Variants in GRIA3 observed in about 807,000 individuals in gnomAD.
GRIA3 encodes the protein glutamate ionotropic receptor AMPA type subunit 3, also known as glutamate receptor 3.
In GRIA3, 3 loss-of-function variants were observed where a neutral mutation model predicts 63.0. The observed-to-expected ratio is 0.05, with a 90% CI of 0.02 to 0.12. GRIA3 has a LOEUF of 0.12. Ranked by LOEUF, GRIA3 falls within the 10% of genes least tolerant of loss-of-function variation. The pLI is 1.00. For missense variants in GRIA3, 347 were observed against 700.9 expected (o/e 0.50, Z 5.70); for synonymous variants, 274 against 257.9 (o/e 1.06, Z -0.60).
At chrX:123,430,868 A>G (rs1242606430) in intron 12 of GRIA3, among the ~76,000 whole-genome samples, 1 of 110,863 alleles carries the variant, frequency 9.0e-6, no homozygotes, top group African/African-American at 3.3e-5. Flanking sequence ...CTGTAATTCC[A>G]GCTACTCGGG....
chrX:123,425,703 T>A (rs747616929), intron 11 of GRIA3, among the ~76,000 whole-genome samples: 3 of 111,664 alleles, frequency 2.7e-5, no homozygotes, highest in Non-Finnish European at 5.6e-5. Context: ...GATGAAATCC[T>A]GAGATAGTGT....
intron 11 of GRIA3, among the ~76,000 whole-genome samples, chrX:123,427,637 G>A (rs1294415572): frequency 9.0e-6 from 1 of 111,567 alleles, no homozygotes; most frequent in Non-Finnish European, 1.9e-5. Context: ...GAGCCCAGGA[G>A]TTCAAGTCCA....
At chrX:123,375,470 AG>A (rs2045279059) in intron 5 of GRIA3, among the ~76,000 whole-genome samples, 1 of 112,049 alleles carries the variant, frequency 8.9e-6, no homozygotes, top group African/African-American at 3.2e-5. Context: ...TTGTAAGTCT[AG>A]GGATAATTTA....
intron 13 of GRIA3, among the ~76,000 whole-genome samples, chrX:123,475,825 T>C (rs775991426): frequency 3.4e-4 from 38 of 111,549 alleles, no homozygotes; most frequent in African/African-American, 1.2e-3. Context: ...TATCTAAGCT[T>C]GAAGAGCAAA....
At chrX:123,453,618 AACAC>A (rs780732296) in intron 12 of GRIA3, among the ~76,000 whole-genome samples, 20 of 103,351 alleles carry the variant, frequency 1.9e-4, no homozygotes, top group East Asian at 6.0e-4. Context: ...TCAGGTTTTC[AACAC>A]ACACACACAC....
chrX:123,279,845 G>A lies in GRIA3; in HGVS notation c.508+26303G>A, dbSNP rs190359200. Among the ~76,000 whole-genome samples the A allele has an allele frequency of 2.7e-3, 302 of 111,363 alleles. 2 individuals carry two copies. Among genetic ancestry groups the A allele is most frequent in the African/African-American group, 8.4e-3 (257 of 30,646 alleles). On this transcript the variant is annotated intron_variant, in intron 3 of 15. Coordinates refer to ENST00000620443, the MANE Select transcript of GRIA3 (RefSeq NM_007325.5). ...ACCTGGAGTTCTACCTATGGCTCAGGAACTCTTTAAGGTCTTGAAGTACCT... is the reference window on the plus strand; with the variant it reads ...ACCTGGAGTTCTACCTATGGCTCAGAAACTCTTTAAGGTCTTGAAGTACCT...
intron 4 of GRIA3, among the ~76,000 whole-genome samples, chrX:123,348,156 T>C (rs113424469): frequency 1.1e-3 from 119 of 112,283 alleles, no homozygotes; most frequent in African/African-American, 3.5e-3. Context: ...CATGATTATA[T>C]TGCTTTGGGC....
chrX:123,205,648 G>C (rs1322383155), intron 2 of GRIA3, among the ~76,000 whole-genome samples: 1 of 111,678 alleles, frequency 9.0e-6, no homozygotes, highest in Admixed American at 9.5e-5. Context: ...TTCAGGTAGG[G>C]GCAAATAGAC....
rs1927183721 is a variant in GRIA3 at position 123,184,362 on chromosome X, G to C, written c.-174G>C. 1 of 483,722 alleles carries C rather than the reference G, an allele frequency of 2.1e-6. No homozygotes were observed. The allele number at this position is 483,722 out of a possible 1,213,427, so 39.9% of individuals were successfully genotyped here. On this transcript the variant is annotated 5_prime_UTR_variant, in exon 1 of 16. Transcript: ENST00000620443. The stretch of plus-strand genomic sequence containing the variant: ...AGAGAGAAGAAGAGGAAGAAGAGGA[G>C]GCGGCGGCAGCGGAGGAGGAGGAGG...
At chrX:123,296,754 C>T (rs1199759306) in intron 3 of GRIA3, among the ~76,000 whole-genome samples, 2 of 111,144 alleles carry the variant, frequency 1.8e-5, no homozygotes, top group Non-Finnish European at 3.8e-5. Flanking sequence ...GAAGCCTTTA[C>T]CAAAGTTGAC....
At chrX:123,311,953 T>A (rs1320966356) in intron 3 of GRIA3, among the ~76,000 whole-genome samples, 1 of 112,164 alleles carries the variant, frequency 8.9e-6, no homozygotes, top group Non-Finnish European at 1.9e-5. Flanking sequence ...TAGTTAAGTG[T>A]TTTTCTTCAT....
At chrX:123,249,075 T>C (rs917464908) in intron 2 of GRIA3, among the ~76,000 whole-genome samples, 2 of 111,463 alleles carry the variant, frequency 1.8e-5, no homozygotes, top group African/African-American at 6.5e-5. Context: ...AAAAGATAGC[T>C]CTGGAGTAGG....
chrX:123,439,828 A>C (rs1159035507), intron 12 of GRIA3, among the ~76,000 whole-genome samples: 2 of 109,558 alleles, frequency 1.8e-5, no homozygotes, highest in Non-Finnish European at 3.8e-5. Flanking sequence ...TAGGTTTGTG[A>C]AGGTTTGTTA....
At chrX:123,474,807 T>C (rs1212533623) in intron 13 of GRIA3, among the ~76,000 whole-genome samples, 4 of 111,942 alleles carry the variant, frequency 3.6e-5, no homozygotes, top group Non-Finnish European at 7.5e-5. Context: ...TAAGATAACA[T>C]TGATTCTTTA....
intron 12 of GRIA3, among the ~76,000 whole-genome samples, chrX:123,459,859 T>G (rs2045783130): frequency 9.0e-6 from 1 of 111,519 alleles, no homozygotes; most frequent in African/African-American, 3.2e-5. Context: ...AATGCTAGTT[T>G]TCTTTCTTCT....
chrX:123,266,846 T>C (rs976121193), intron 3 of GRIA3, among the ~76,000 whole-genome samples: 2 of 110,836 alleles, frequency 1.8e-5, no homozygotes, highest in Non-Finnish European at 3.8e-5. Context: ...ACTTTTCCTT[T>C]TTTTAGCACT....
chrX:123,430,384 T>C (rs2045611106), intron 12 of GRIA3, among the ~76,000 whole-genome samples: 1 of 111,717 alleles, frequency 9.0e-6, no homozygotes, highest in African/African-American at 3.3e-5. Context: ...GTGGGGTGGT[T>C]CTTCAGGGCA....
At chrX:123,371,476 G>A in intron 5 of GRIA3, among the ~76,000 whole-genome samples, 1 of 110,705 alleles carries the variant, frequency 9.0e-6, no homozygotes, top group Non-Finnish European at 1.9e-5. Flanking sequence ...CTTCATAGCG[G>A]TTGTATTAAT....
intron 1 of GRIA3, among the ~76,000 whole-genome samples, chrX:123,185,267 C>T (rs1313145087): frequency 9.0e-6 from 1 of 111,566 alleles, no homozygotes; most frequent in Admixed American, 9.4e-5. Flanking sequence ...TGAATTGCCG[C>T]TGTGTCTGTC....
Sources: allele counts gnomAD v4.1 joint callset (sites outside exome capture counted in the v4.1 genomes callset), GRCh38; gene constraint gnomAD v4.1.1; transcripts MANE v1.5; gene names NCBI Gene and HGNC (gene_info 2026-07-23, HGNC 2026-07-21).